Variants in TENM2 observed in about 807,000 individuals in gnomAD.
TENM2 encodes the protein teneurin transmembrane protein 2.
A neutral mutation model predicts 245.2 loss-of-function variants in TENM2; 52 were observed. The ratio of observed to expected loss-of-function variants is 0.21; its 90% CI spans 0.17 to 0.27. TENM2 has a LOEUF of 0.27. TENM2 is among the 10% of genes least tolerant of loss of function. The probability of loss-of-function intolerance (pLI) is 1.00; values close to 1 mark genes in which losing one functional copy is unlikely to be tolerated. For missense variants in TENM2, 3,046 were observed against 3,666.8 expected (o/e 0.83, Z 4.37); for synonymous variants, 1,363 against 1,438.9 (o/e 0.95, Z 1.19).
At chr5:168,142,890 A>C (rs559351547) in intron 12 of TENM2, among the ~76,000 whole-genome samples, 1 of 152,224 alleles carries the variant, frequency 6.6e-6, no homozygotes, top group African/African-American at 2.4e-5. Context: ...GGCTGGCTTG[A>C]GACTCCCCTG....
chr5:166,988,510 T>G, the TENM2 span, among the ~76,000 whole-genome samples: 5 of 152,358 alleles, frequency 3.3e-5, no homozygotes, highest in Non-Finnish European at 7.3e-5. Context: ...TCCAATAATT[T>G]ATAGAATTAA....
At chr5:167,939,568 G>A (rs1561958714) in intron 3 of TENM2, among the ~76,000 whole-genome samples, 1 of 152,166 alleles carries the variant, frequency 6.6e-6, no homozygotes, top group Non-Finnish European at 1.5e-5. Context: ...CAAATAAAGT[G>A]TTTCAATATA....
At chr5:167,332,240 T>C (rs1042234193) in intron 1 of TENM2, among the ~76,000 whole-genome samples, 2 of 152,224 alleles carry the variant, frequency 1.3e-5, no homozygotes, top group African/African-American at 4.8e-5. Context: ...TTGTCTTTGT[T>C]GAGGCTCTAT....
At chr5:167,322,920 G>T (rs1307911830) in intron 1 of TENM2, among the ~76,000 whole-genome samples, 2 of 152,202 alleles carry the variant, frequency 1.3e-5, no homozygotes, top group Non-Finnish European at 2.9e-5. Context: ...CATAAATAGC[G>T]GGGTATTTCC....
At chr5:167,608,481 G>A (rs1391884707) in intron 2 of TENM2, among the ~76,000 whole-genome samples, 1 of 152,190 alleles carries the variant, frequency 6.6e-6, no homozygotes, top group Non-Finnish European at 1.5e-5. Context: ...AAAGATGACA[G>A]AGTGCTTCCC....
chr5:167,077,157 G>A, the TENM2 span, among the ~76,000 whole-genome samples: 1 of 152,196 alleles, frequency 6.6e-6, no homozygotes, highest in East Asian at 1.9e-4. Context: ...CTATATGCAA[G>A]TCATGCAATA....
chr5:167,844,811 G>A (rs1292223831), intron 2 of TENM2, among the ~76,000 whole-genome samples: 7 of 144,530 alleles, frequency 4.8e-5, no homozygotes, highest in African/African-American at 1.8e-4. Flanking sequence ...GGGTTTTCAG[G>A]TATGTAAATT....
At chr5:168,123,765 C>A (rs1460496421) in intron 10 of TENM2, among the ~76,000 whole-genome samples, 1 of 152,164 alleles carries the variant, frequency 6.6e-6, no homozygotes, top group African/African-American at 2.4e-5. Context: ...CATATCTGAG[C>A]CCTGTGCTAG....
the TENM2 span, among the ~76,000 whole-genome samples, chr5:167,037,257 A>G: frequency 2.0e-5 from 3 of 152,138 alleles, no homozygotes; most frequent in African/African-American, 7.2e-5. Flanking sequence ...GCTATTTTTC[A>G]TTTTTTGGAA....
intron 3 of TENM2, among the ~76,000 whole-genome samples, chr5:167,925,592 TC>T (rs1343680107): frequency 6.6e-6 from 1 of 152,192 alleles, no homozygotes; most frequent in East Asian, 1.9e-4. Flanking sequence ...AAGCCAGCAA[TC>T]CCATTACTGG....
intron 2 of TENM2, among the ~76,000 whole-genome samples, chr5:167,834,843 G>C (rs1237544818): frequency 2.0e-5 from 3 of 152,000 alleles, no homozygotes; most frequent in African/African-American, 7.3e-5. Flanking sequence ...GTAGAGACTG[G>C]GTTTCACCGT....
At chr5:168,053,220 C>T (rs1789257877) in intron 6 of TENM2, among the ~76,000 whole-genome samples, 1 of 152,204 alleles carries the variant, frequency 6.6e-6, no homozygotes, top group African/African-American at 2.4e-5. Context: ...CCATGCTGTT[C>T]TACATTGTTG....
chr5:167,093,193 T>C, the TENM2 span, among the ~76,000 whole-genome samples: 3 of 152,168 alleles, frequency 2.0e-5, no homozygotes, highest in African/African-American at 7.2e-5. Context: ...TCCAGTCAGT[T>C]CTGGGGCAGA....
chr5:168,075,458 C>G (rs1302813821), intron 7 of TENM2, among the ~76,000 whole-genome samples: 2 of 152,136 alleles, frequency 1.3e-5, no homozygotes, highest in Non-Finnish European at 2.9e-5. Flanking sequence ...ACTGTATCCA[C>G]CTCAGTAAGC....
intron 2 of TENM2, among the ~76,000 whole-genome samples, chr5:167,725,954 G>A (rs866897630): frequency 5.3e-5 from 8 of 151,852 alleles, no homozygotes; most frequent in Admixed American, 2.0e-4. Context: ...CACAAACCCC[G>A]CCCCCACATG....
At chr5:167,053,492 G>C in the TENM2 span, among the ~76,000 whole-genome samples, 1 of 152,100 alleles carries the variant, frequency 6.6e-6, no homozygotes, top group Non-Finnish European at 1.5e-5. Context: ...TTTACTTAGT[G>C]CTTCAATTTA....
chr5:168,090,580 T>A (rs1022291153), exon 8 of TENM2: 2 of 1,612,418 alleles, frequency 1.2e-6, no homozygotes, highest in Non-Finnish European at 1.7e-6. Flanking sequence ...CCAGTATGAC[T>A]TCATGGAACG....
chr5:167,672,378 A>G (rs1490442671), intron 2 of TENM2, among the ~76,000 whole-genome samples: 2 of 152,092 alleles, frequency 1.3e-5, no homozygotes, highest in East Asian at 3.9e-4. Flanking sequence ...TTTAATATAT[A>G]ACATTAATGA....
At chr5:168,118,515 G>C in intron 10 of TENM2, 29 bp downstream of exon 12, 1 of 1,473,268 alleles carries the variant, frequency 6.8e-7, no homozygotes, top group Non-Finnish European at 9.1e-7. Context: ...GGGCTAGGCA[G>C]CAGTGGAGGG....
Sources: allele counts gnomAD v4.1 joint callset (sites outside exome capture counted in the v4.1 genomes callset), GRCh38; gene constraint gnomAD v4.1.1; transcripts MANE v1.5; gene names NCBI Gene and HGNC (gene_info 2026-07-23, HGNC 2026-07-21).